CACNA1A: variants seen among roughly 807,000 people sequenced by gnomAD.
The protein encoded by CACNA1A is voltage-dependent P/Q-type calcium channel subunit alpha-1A.
Under a neutral mutation model 262.4 loss-of-function variants are expected in CACNA1A, and 57 were observed. The ratio of observed to expected loss-of-function variants is 0.22; its 90% CI spans 0.18 to 0.27. The LOEUF is 0.27. Among genes scored for constraint, CACNA1A ranks in the 10% least tolerant of loss-of-function variants. The pLI, the probability that CACNA1A is intolerant of heterozygous loss-of-function variation, is 1.00. For synonymous variants in CACNA1A, 1,431 were observed against 1,419.3 expected (o/e 1.01, Z -0.18); for missense variants, 2,526 against 3,562.8 (o/e 0.71, Z 7.41).
In CACNA1A at chr19:13,299,211, T is replaced by C. The variant is rs772177961; in HGVS notation, c.2422A>G (p.Thr808Ala). The C allele has an allele frequency of 2.5e-6, 4 of 1,611,896 alleles. No homozygotes were observed. The South Asian group carries it at 3.3e-5, about 13-fold the overall frequency. Reference protein sequence around the residue: ...DPDERWKAAYTRHLRPDMKTH... With the variant: ...DPDERWKAAYARHLRPDMKTH... ...TTCATGTCTGGCCGCAGGTGCCGCG[T>C]GTAGGCAGCCTTCCAGCGCTCGTCC... Residue 808 changes from threonine to alanine, a missense_variant, in exon 19 of 47, where the codon ACG becomes GCG. Thr to Ala is a moderately conservative substitution (Grantham distance 58). Coordinates refer to ENST00000360228, the MANE Select transcript of CACNA1A (RefSeq NM_001127222.2).
At position 13,465,726 on chromosome 19, in the gene CACNA1A, C is replaced by T. The variant is rs971617586; in HGVS notation, c.294-10514G>A. On this transcript the variant is annotated intron_variant, in intron 1 of 46. Transcript: ENST00000360228. ...GTGGTCTTGAACACCTGGGCTCAAG[C>T]GATCCGCCCACCTCAGCCTCCCAAA... Among the ~76,000 whole-genome samples the T allele has an allele frequency of 4.6e-5, 7 of 151,468 alleles. 1 individual carries two copies. Among genetic ancestry groups the T allele is most frequent in the Admixed American group, 1.3e-4 (2 of 15,234 alleles).
chr19:13,226,067 T>C (rs972091818), intron 37 of CACNA1A: 8 of 152,086 alleles, frequency 5.3e-5, no homozygotes, highest in Non-Finnish European at 1.0e-4. Context: ...CATTGGTAGA[T>C]TGCAACAATT....
intron 34 of CACNA1A, among the ~76,000 whole-genome samples, chr19:13,232,289 C>T (rs187420911): frequency 6.0e-4 from 91 of 151,686 alleles, no homozygotes; most frequent in Non-Finnish European, 1.3e-3. Context: ...CTCAACTTCC[C>T]AGGCTCAGGT....
Position 13,241,550 on chromosome 19 carries a change from GGGGGAGCGGGCGGGC to G in CACNA1A, c.4950+3617_4950+3631del. On this transcript the variant is annotated intron_variant, in intron 31 of 46. Transcript: ENST00000360228. The surrounding 1 kb of genome is among the most constrained non-coding windows in gnomAD (Gnocchi z 4.0). Reference sequence around the variant, plus strand: ...TTCTAGATGCAGATGTTGAAGATGAGGGGGAGCGGGCGGGCGGGGGCAGTTGGGGAGGCGTGTTCA... The same window carrying G: ...TTCTAGATGCAGATGTTGAAGATGAGGGGGGCAGTTGGGGAGGCGTGTTCA... 1 of 1,399,074 alleles carries G rather than the reference GGGGGAGCGGGCGGGC, an allele frequency of 7.1e-7. No individual in the cohort carries two copies. Among genetic ancestry groups the G allele is most frequent in the Non-Finnish European group, 9.8e-7 (1 of 1,016,498 alleles). 86.7% of individuals were successfully genotyped at this position (1,399,074 alleles called of 1,614,324 possible). A position where few individuals can be genotyped will look rare whatever the true frequency, so the allele number is the denominator to read the frequency against.
chr19:13,416,479 G>A (rs1402120603), intron 3 of CACNA1A, among the ~76,000 whole-genome samples: 2 of 151,984 alleles, frequency 1.3e-5, no homozygotes, highest in African/African-American at 2.4e-5. Flanking sequence ...TCAGGAATTC[G>A]GGACCAGCCT....
intron 3 of CACNA1A, among the ~76,000 whole-genome samples, chr19:13,372,451 C>T (rs970208480): frequency 5.9e-5 from 9 of 152,092 alleles, no homozygotes; most frequent in African/African-American, 1.9e-4. Flanking sequence ...GGATTACAGG[C>T]GTGAGCCATG....
chr19:13,252,007 T>C (rs1031803007), intron 30 of CACNA1A, among the ~76,000 whole-genome samples: 14 of 151,976 alleles, frequency 9.2e-5, no homozygotes, highest in Non-Finnish European at 1.8e-4. Context: ...CTCAAGTGAT[T>C]TGCCTGCCTC....
chr19:13,391,717 T>C (rs925670422), intron 3 of CACNA1A, among the ~76,000 whole-genome samples: 33 of 151,862 alleles, frequency 2.2e-4, no homozygotes, highest in Non-Finnish European at 1.6e-4. Context: ...GGCAACAAAG[T>C]GAGACCTGTC....
intron 18 of CACNA1A, among the ~76,000 whole-genome samples, 184 bp from the exon 19 acceptor site, chr19:13,299,537 C>T (rs2057744996): frequency 6.6e-6 from 1 of 152,308 alleles, no homozygotes; most frequent in Admixed American, 6.5e-5. Context: ...AAGAACCCTC[C>T]ATGGCTCCCA....
At chr19:13,418,152 C>T (rs777282366) in intron 3 of CACNA1A, among the ~76,000 whole-genome samples, 5 of 152,132 alleles carry the variant, frequency 3.3e-5, no homozygotes, top group Non-Finnish European at 7.3e-5. Context: ...CCCACTCTGT[C>T]TTGATTTCTC....
intron 6 of CACNA1A, among the ~76,000 whole-genome samples, chr19:13,351,733 T>C (rs8101350): frequency 0.1 from 15,569 of 151,994 alleles, 926 homozygotes; most frequent in Admixed American, 0.17. Flanking sequence ...TGGTCTCGAA[T>C]TCCTGACCTC....
chr19:13,360,378 C>T (rs1269930510), intron 5 of CACNA1A, among the ~76,000 whole-genome samples: 1 of 151,388 alleles, frequency 6.6e-6, no homozygotes, highest in Non-Finnish European at 1.5e-5. Flanking sequence ...CACCATGTAC[C>T]TATCACCAAT....
chr19:13,255,122 G>T lies in CACNA1A; in HGVS notation c.4728C>A (p.Ala1576=). 1.2e-6 allele frequency: 2 copies of T among 1,613,870 alleles called. No homozygotes were observed. Among genetic ancestry groups the T allele is most frequent in the Non-Finnish European group, 1.7e-6 (2 of 1,179,832 alleles). ...TCATCATAAGCACGATGGTGTTGAG[G>T]GCGATCATGGCCATGATCGTGTACT... ...PFEYTIMAMI[A]LNTIVLMMKF... The change falls in exon 29 of 47, where the codon GCC becomes GCA. Residue 1576 remains alanine (A), a synonymous_variant. Coordinates refer to ENST00000360228, the MANE Select transcript of CACNA1A (RefSeq NM_001127222.2).
intron 1 of CACNA1A, among the ~76,000 whole-genome samples, chr19:13,505,202 AGAT>A (rs1982872457): frequency 6.6e-6 from 1 of 152,118 alleles, no homozygotes; most frequent in African/African-American, 2.4e-5. Flanking sequence ...ACACCCCCAA[AGAT>A]GATGAGGTTC....
chr19:13,285,301 G>T, intron 20 of CACNA1A, 95 bp from the exon 21 acceptor site: 1 of 1,420,736 alleles, frequency 7.0e-7, no homozygotes, highest in Non-Finnish European at 9.7e-7. Context: ...AGAAGCGGCT[G>T]ACATTTCTAA....
rs1408675351 is a variant in CACNA1A at position 13,207,232 on chromosome 19, C to T, written c.*81G>A. 8.7e-6 allele frequency: 12 copies of T among 1,386,990 alleles called. No individual in the cohort carries two copies. In the East Asian group the frequency reaches 3.0e-4, roughly 34 times the overall value. 85.9% of individuals were successfully genotyped at this position (1,386,990 alleles called of 1,614,324 possible). On this transcript the variant is annotated 3_prime_UTR_variant, in exon 47 of 47. Transcript: ENST00000360228. The surrounding 1 kb of genome is among the most constrained non-coding windows in gnomAD (Gnocchi z 5.7). ...CTCCCGGGCCCTCTGTGCTGGGCCC[C>T]CGCGGCCTCTGCGCGGCTCCTCGGG...
At position 13,228,604 on chromosome 19, in the gene CACNA1A, A is replaced by ATATATATATATATATAT. The variant is rs1330101564; in HGVS notation, c.5529-1078_5529-1077insATATATATATATATATA. ...GCTCTGTTTTTTTAGAGAGAGAGAGAGATATATATATATATATATATGAAA... is the reference window on the plus strand; with the variant it reads ...GCTCTGTTTTTTTAGAGAGAGAGAGATATATATATATATATATGATATATATATATATATATATGAAA... On this transcript the variant is annotated intron_variant, in intron 36 of 46. Transcript: ENST00000360228. 6 of 72,330 alleles carry ATATATATATATATATAT rather than the reference A, an allele frequency of 8.3e-5. No homozygotes were observed. The South Asian group carries it at 1.4e-3, about 17-fold the overall frequency. The allele number at this position is 72,330 out of a possible 1,614,324, so 4.5% of individuals were successfully genotyped here.
At chr19:13,324,698 T>C (rs985979527) in intron 10 of CACNA1A, among the ~76,000 whole-genome samples, 4 of 144,162 alleles carry the variant, frequency 2.8e-5, no homozygotes, top group African/African-American at 1.1e-4. Flanking sequence ...CCAGACCCCA[T>C]CTCAACAACA....
intron 1 of CACNA1A, among the ~76,000 whole-genome samples, chr19:13,483,385 G>GGTGT (rs1161982176): frequency 2.6e-5 from 4 of 152,070 alleles, no homozygotes; most frequent in African/African-American, 9.7e-5. Flanking sequence ...ACACCTTTAA[G>GGTGT]AAGACTGCTC....
Sources: allele counts gnomAD v4.1 joint callset (sites outside exome capture counted in the v4.1 genomes callset), GRCh38; gene constraint gnomAD v4.1.1; non-coding constraint Gnocchi (gnomAD v3.1); transcripts MANE v1.5; gene names NCBI Gene and HGNC (gene_info 2026-07-23, HGNC 2026-07-21).